Variants in CBFA2T3 observed in about 807,000 individuals in gnomAD.
CBFA2T3 encodes the protein CBFA2/RUNX1 partner transcriptional co-repressor 3.
Under a neutral mutation model 58.6 loss-of-function variants are expected in CBFA2T3, and 31 were observed. The ratio of observed to expected loss-of-function variants is 0.53; its 90% confidence interval spans 0.40 to 0.71. The LOEUF (loss-of-function observed/expected upper bound fraction) is 0.71, where lower values mean the gene tolerates loss of function less well. Ranked by LOEUF, CBFA2T3 falls within the 30% of genes least tolerant of loss-of-function variation. The pLI, the probability that CBFA2T3 is intolerant of heterozygous loss-of-function variation, is 0.00. For missense variants in CBFA2T3, 1,076 were observed against 963.1 expected, an observed-to-expected ratio of 1.12 and a Z score of -1.55; for synonymous variants, 531 against 421.9, an observed-to-expected ratio of 1.26 and a Z score of -3.17.
chr16:88,957,875 G>A (rs1302739055), intron 1 of CBFA2T3: 1 of 152,276 alleles, frequency 6.6e-6, no homozygotes, highest in Non-Finnish European at 1.5e-5. Flanking sequence ...CCGTGGGCAT[G>A]GGGTTTCTTT....
In CBFA2T3 at chr16:88,892,358, G is replaced by A. The variant is rs1464064070; in HGVS notation, c.507C>T (p.Cys169=). The change falls in exon 4 of 12, where the codon TGC becomes TGT. Residue 169 remains cysteine (C), a synonymous_variant. Coordinates refer to ENST00000268679, the MANE Select transcript of CBFA2T3 (RefSeq NM_005187.6). ...SLSTQHLPPA[C]GARQLSKLKR... ...TGAGCTTGCTGAGCTGCCGGGCCCC[G>A]CAGGCTGGGGGCAGGTGCTGTGTGG... 3.1e-6 allele frequency: 5 copies of A among 1,613,074 alleles called. No homozygotes were observed. The highest frequency in any genetic ancestry group is 4.2e-6 in the Non-Finnish European group (5 of 1,179,928).
At chr16:88,883,419 A>G (rs1969216298) in intron 7 of CBFA2T3, 1 of 155,234 alleles carries the variant, frequency 6.4e-6, no homozygotes, top group African/African-American at 2.4e-5. Context: ...GGCTCTCGGA[A>G]CACGCTGGCT....
chr16:88,892,126 G>C, intron 4 of CBFA2T3, 118 bp downstream of exon 4: 2 of 1,404,870 alleles, frequency 1.4e-6, no homozygotes, highest in African/African-American at 2.8e-5. Context: ...CATCGTGGGA[G>C]CGGGTCCACG....
intron 3 of CBFA2T3, among the ~76,000 whole-genome samples, chr16:88,897,197 G>C (rs1417102744): frequency 6.6e-6 from 1 of 152,224 alleles, no homozygotes. Context: ...TGGATGACAA[G>C]AGCCACTGTC....
chr16:88,924,906 A>C (rs1971036150), intron 1 of CBFA2T3, among the ~76,000 whole-genome samples: 1 of 152,160 alleles, frequency 6.6e-6, no homozygotes, highest in African/African-American at 2.4e-5. Context: ...CTCTCCACCA[A>C]GGCCACAGAG....
chr16:88,967,676 C>T (rs188806040), intron 1 of CBFA2T3, among the ~76,000 whole-genome samples: 1 of 152,286 alleles, frequency 6.6e-6, no homozygotes, highest in Admixed American at 6.5e-5. Flanking sequence ...GGCGTGCTGC[C>T]CTGCGTGGCT....
intron 1 of CBFA2T3, among the ~76,000 whole-genome samples, chr16:88,917,288 G>T (rs897676039): frequency 6.6e-6 from 1 of 152,146 alleles, no homozygotes; most frequent in Non-Finnish European, 1.5e-5. Context: ...TCCAGGAAGA[G>T]GCTGCACCTG....
intron 3 of CBFA2T3, among the ~76,000 whole-genome samples, chr16:88,895,542 C>T (rs1428076354): frequency 6.6e-6 from 1 of 152,188 alleles, no homozygotes; most frequent in African/African-American, 2.4e-5. Context: ...AGGCCCCACA[C>T]ACCGAGCAAA....
rs939172988 is a variant in CBFA2T3 at position 88,876,580 on chromosome 16, A to C, written c.*396T>G. On this transcript the variant is annotated 3_prime_UTR_variant, in exon 12 of 12. Coordinates refer to ENST00000268679, the MANE Select transcript of CBFA2T3 (RefSeq NM_005187.6). Reference sequence around the variant, plus strand: ...TTTTTCATTGAAGAGAAAGTGTGTGATAGTCATAGAGAGAGAGAGGATAGA... The same window carrying C: ...TTTTTCATTGAAGAGAAAGTGTGTGCTAGTCATAGAGAGAGAGAGGATAGA... 1 of 257,162 alleles carries C rather than the reference A, an allele frequency of 3.9e-6. No homozygotes were observed. The highest frequency in any genetic ancestry group is 2.3e-5 in the African/African-American group (1 of 44,256). 15.9% of individuals were successfully genotyped at this position (257,162 alleles called of 1,614,324 possible). A position where few individuals can be genotyped will look rare whatever the true frequency, so the allele number is the denominator to read the frequency against.
Position 88,877,279 on chromosome 16 carries a change from G to A in CBFA2T3, c.1663-4C>T. ...TCCGCCCGCAGTTCCAGCAGCTCTG[G>A]GTGGGGGCAGAGGGGCCAGTCAGGG... On this transcript the variant is annotated splice_polypyrimidine_tract_variant and splice_region_variant and intron_variant, in intron 11 of 11. Transcript: ENST00000268679. 6.5e-7 allele frequency: 1 copy of A among 1,543,606 alleles called. No individual in the cohort carries two copies. Among genetic ancestry groups the A allele is most frequent in the Non-Finnish European group, 8.7e-7 (1 of 1,144,042 alleles).
chr16:88,941,011 G>A, intron 1 of CBFA2T3: 1 of 976,252 alleles, frequency 1.0e-6, no homozygotes, highest in Non-Finnish European at 1.2e-6. Flanking sequence ...GGGCGGACAC[G>A]GCACTTACGG....
At chr16:88,895,121 T>C (rs1004720310) in intron 3 of CBFA2T3, among the ~76,000 whole-genome samples, 2 of 152,172 alleles carry the variant, frequency 1.3e-5, no homozygotes, top group Non-Finnish European at 2.9e-5. Context: ...TCCCCACAGC[T>C]GGGGCTCCGG....
chr16:88,901,788 C>T (rs1033496377), intron 1 of CBFA2T3, 132 bp from the exon 2 acceptor site: 28 of 753,496 alleles, frequency 3.7e-5, no homozygotes, highest in Non-Finnish European at 4.4e-5. Context: ...CCCCAGGTGT[C>T]CTGACAGGTG....
At chr16:88,919,783 T>G (rs771883761) in intron 1 of CBFA2T3, among the ~76,000 whole-genome samples, 3 of 152,138 alleles carry the variant, frequency 2.0e-5, no homozygotes, top group Non-Finnish European at 4.4e-5. Context: ...TCAGTGTCGC[T>G]CCACGTAATC....
chr16:88,881,291 C>A lies in CBFA2T3; in HGVS notation c.1402G>T (p.Asp468Tyr). The A allele has an allele frequency of 6.3e-7, 1 of 1,592,846 alleles. No individual in the cohort carries two copies. Among genetic ancestry groups the A allele is most frequent in the South Asian group, 1.1e-5 (1 of 89,234 alleles). ...CCCTCCCCCCACACCCCACACGCACCTAGCTGAGGCCCTTCGGGACCGGCG... is the reference window on the plus strand; with the variant it reads ...CCCTCCCCCCACACCCCACACGCACATAGCTGAGGCCCTTCGGGACCGGCG... The part of the protein sequence containing the change: ...SSAGPEGPQL[D>Y]VPREFLPRTL... The change falls in exon 9 of 12, where the codon GAC (aspartate) becomes TAC (tyrosine). Residue 468 changes from aspartate to tyrosine, a missense_variant and splice_region_variant. Transcript: ENST00000268679.
At chr16:88,897,794 G>A (rs1330928753) in intron 3 of CBFA2T3, among the ~76,000 whole-genome samples, 1 of 152,236 alleles carries the variant, frequency 6.6e-6, no homozygotes, top group Non-Finnish European at 1.5e-5. Context: ...CAGCCCCATT[G>A]GCCATGTTTT....
chr16:88,875,308 C>T lies in CBFA2T3; in HGVS notation c.*1668G>A, dbSNP rs1020414796. On this transcript the variant is annotated 3_prime_UTR_variant, in exon 12 of 12. Coordinates refer to ENST00000268679, the MANE Select transcript of CBFA2T3 (RefSeq NM_005187.6). ...TATCCCTTTATTTCCTTCTTGAAAT[C>T]GCTGAGGCAGTTGAGAGGAGTGGAG... The T allele has an allele frequency of 5.6e-6, 1 of 178,814 alleles. No individual in the cohort carries two copies. Among genetic ancestry groups the T allele is most frequent in the African/African-American group, 2.4e-5 (1 of 41,474 alleles). 11.1% of individuals were successfully genotyped at this position (178,814 alleles called of 1,614,324 possible). A position where few individuals can be genotyped will look rare whatever the true frequency, so the allele number is the denominator to read the frequency against.
chr16:88,947,785 G>A (rs901960669), intron 1 of CBFA2T3, among the ~76,000 whole-genome samples: 3 of 152,216 alleles, frequency 2.0e-5, no homozygotes, highest in Non-Finnish European at 2.9e-5. Flanking sequence ...GTGGTGGTGC[G>A]TGCCTGTAGT....
intron 11 of CBFA2T3, 145 bp from the exon 12 acceptor site, chr16:88,877,420 G>A: frequency 1.5e-6 from 1 of 677,862 alleles, no homozygotes; most frequent in South Asian, 2.0e-5. Context: ...CTCGGGCCAT[G>A]CTCCAGATAC....
Sources: gnomAD v4.1 joint callset for allele counts (sites outside exome capture counted in the v4.1 genomes callset) on GRCh38, gnomAD v4.1.1 for gene constraint, MANE v1.5 for transcripts, NCBI Gene and HGNC (gene_info 2026-07-23, HGNC 2026-07-21) for gene names.